The following STXBP6 variants were observed in gnomAD, a reference collection of about 807,000 sequenced individuals.
The protein encoded by STXBP6 is syntaxin binding protein 6, also known as syntaxin-binding protein 6.
STXBP6 carries 21 observed loss-of-function variants against 26.9 expected under a neutral mutation model. That is an observed-to-expected ratio of 0.78 (90% CI 0.55 to 1.12). STXBP6 has a LOEUF of 1.12. Ranked by LOEUF, STXBP6 falls within the 50% of genes most tolerant of loss-of-function variation. The pLI, the probability that STXBP6 is intolerant of heterozygous loss-of-function variation, is 0.00. For synonymous variants in STXBP6, 97 were observed against 92.6 expected (o/e 1.05, Z -0.27); for missense variants, 232 against 257.9 (o/e 0.90, Z 0.69).
rs1175063302 is a variant in STXBP6 at position 24,812,287 on chromosome 14, T to A, written c.*422A>T. On this transcript the variant is annotated 3_prime_UTR_variant, in exon 6 of 6. Transcript: ENST00000323944. ...TTATTTTCATCTAGGAAAAATAACATCTGATGTCACCACATTAAAATGCCT... is the reference window on the plus strand; with the variant it reads ...TTATTTTCATCTAGGAAAAATAACAACTGATGTCACCACATTAAAATGCCT... The A allele has an allele frequency of 6.2e-6, 1 of 162,316 alleles. No homozygotes were observed. Among genetic ancestry groups the A allele is most frequent in the East Asian group, 1.8e-4 (1 of 5,710 alleles). 10.1% of individuals were successfully genotyped at this position (162,316 alleles called of 1,614,324 possible).
intron 2 of STXBP6, among the ~76,000 whole-genome samples, chr14:24,858,187 A>T (rs940572933): frequency 6.6e-6 from 1 of 152,118 alleles, no homozygotes; most frequent in Admixed American, 6.6e-5. Flanking sequence ...TGGCAAAAAG[A>T]ATTCTGAAGG....
chr14:24,882,657 T>C (rs1299770000), intron 2 of STXBP6, among the ~76,000 whole-genome samples: 2 of 152,110 alleles, frequency 1.3e-5, no homozygotes, highest in East Asian at 3.8e-4. Flanking sequence ...TCTCTTCTAG[T>C]TCACTACCCC....
At chr14:24,819,318 T>C (rs761918225) in intron 4 of STXBP6, 124 bp from the exon 5 acceptor site, 1 of 1,111,834 alleles carries the variant, frequency 9.0e-7, no homozygotes, top group Non-Finnish European at 1.3e-6. Flanking sequence ...GCTCGTCTAG[T>C]GTCTAGGAAA....
At chr14:24,918,129 G>C (rs907915177) in intron 2 of STXBP6, among the ~76,000 whole-genome samples, 1 of 151,984 alleles carries the variant, frequency 6.6e-6, no homozygotes, top group Non-Finnish European at 1.5e-5. Context: ...TCTAATAATA[G>C]GTATGGATTT....
At chr14:24,999,218 C>CA (rs2074685648) in intron 1 of STXBP6, among the ~76,000 whole-genome samples, 2 of 152,022 alleles carry the variant, frequency 1.3e-5, no homozygotes, top group African/African-American at 4.8e-5. Context: ...CATAATACCC[C>CA]AAAAAACCAC....
intron 2 of STXBP6, among the ~76,000 whole-genome samples, chr14:24,943,562 T>C (rs1376580575): frequency 1.3e-5 from 2 of 152,246 alleles, no homozygotes; most frequent in Non-Finnish European, 2.9e-5. Flanking sequence ...AATTAAATTC[T>C]GAATTATTTG....
intron 4 of STXBP6, among the ~76,000 whole-genome samples, chr14:24,832,889 C>T (rs1032836135): frequency 3.1e-4 from 47 of 152,242 alleles, no homozygotes; most frequent in Non-Finnish European, 8.8e-5. Flanking sequence ...GACTACCATG[C>T]GCCAGAAATG....
intron 1 of STXBP6, among the ~76,000 whole-genome samples, chr14:24,993,571 T>G (rs2074527241): frequency 6.6e-6 from 1 of 152,196 alleles, no homozygotes. Flanking sequence ...GTAGAGTTAC[T>G]TTTCTGAAAT....
chr14:25,043,113 A>T (rs181813750), intron 1 of STXBP6, among the ~76,000 whole-genome samples: 1 of 152,354 alleles, frequency 6.6e-6, no homozygotes, highest in Non-Finnish European at 1.5e-5. Context: ...AAGCCTGAAT[A>T]GGGAATTTGT....
chr14:24,986,986 T>C (rs2074348845), intron 1 of STXBP6, among the ~76,000 whole-genome samples: 1 of 152,174 alleles, frequency 6.6e-6, no homozygotes, highest in African/African-American at 2.4e-5. Flanking sequence ...CCTCTGTCAT[T>C]CAATGTCAAC....
intron 2 of STXBP6, among the ~76,000 whole-genome samples, chr14:24,931,110 T>C (rs1595134067): frequency 4.2e-5 from 2 of 47,346 alleles, no homozygotes; most frequent in African/African-American, 1.1e-4. Flanking sequence ...AGAGCGAGAC[T>C]CCGTCTCAAA....
chr14:25,024,976 C>T (rs937266944), intron 1 of STXBP6, among the ~76,000 whole-genome samples: 2 of 152,076 alleles, frequency 1.3e-5, no homozygotes, highest in Non-Finnish European at 2.9e-5. Flanking sequence ...TGGAAAGGTG[C>T]CATATTATAC....
chr14:24,930,503 G>A (rs370736541), intron 2 of STXBP6, among the ~76,000 whole-genome samples: 15 of 152,236 alleles, frequency 9.9e-5, no homozygotes, highest in African/African-American at 3.1e-4. Flanking sequence ...GATTCTCTGT[G>A]AACTAAATAA....
chr14:24,959,219 A>G (rs1168034380), intron 2 of STXBP6, among the ~76,000 whole-genome samples: 1 of 152,184 alleles, frequency 6.6e-6, no homozygotes, highest in Non-Finnish European at 1.5e-5. Flanking sequence ...CTTTACTAAC[A>G]TATCAGATCA....
At chr14:25,048,440 C>T (rs1249520119) in intron 1 of STXBP6, among the ~76,000 whole-genome samples, 2 of 152,214 alleles carry the variant, frequency 1.3e-5, no homozygotes, top group East Asian at 1.9e-4. Flanking sequence ...GACTCTAGAA[C>T]TGTGTAGTGT....
At chr14:24,850,255 AG>A (rs1429795019) in intron 4 of STXBP6, among the ~76,000 whole-genome samples, 1 of 152,030 alleles carries the variant, frequency 6.6e-6, no homozygotes, top group East Asian at 1.9e-4. Flanking sequence ...GGGAATCCAG[AG>A]TAAAGCCATT....
At chr14:25,013,466 T>TCACACACA (rs3219652) in intron 1 of STXBP6, among the ~76,000 whole-genome samples, 3,201 of 143,294 alleles carry the variant, frequency 0.022, 66 homozygotes, top group African/African-American at 0.054. Context: ...CATCTCTCTT[T>TCACACACA]CACACACACA....
At chr14:24,845,261 C>T (rs943897116) in intron 4 of STXBP6, among the ~76,000 whole-genome samples, 1 of 152,130 alleles carries the variant, frequency 6.6e-6, no homozygotes. Context: ...ATCTGCCCAC[C>T]TTGGCCTCCC....
intron 1 of STXBP6, among the ~76,000 whole-genome samples, chr14:25,004,715 A>G (rs1028820415): frequency 6.6e-6 from 1 of 152,214 alleles, no homozygotes; most frequent in African/African-American, 2.4e-5. Context: ...CTAGCACAAG[A>G]TAGGGACTAA....
Sources: gnomAD v4.1 joint callset for allele counts (sites outside exome capture counted in the v4.1 genomes callset) on GRCh38, gnomAD v4.1.1 for gene constraint, MANE v1.5 for transcripts, NCBI Gene and HGNC (gene_info 2026-07-23, HGNC 2026-07-21) for gene names.